SLC38A1: variants seen among roughly 807,000 people sequenced by gnomAD.
The protein encoded by SLC38A1 is sodium-coupled neutral amino acid symporter 1.
Under a neutral mutation model 60.3 loss-of-function variants are expected in SLC38A1, and 18 were observed. The ratio of observed to expected loss-of-function variants is 0.30; its 90% CI spans 0.21 to 0.44. SLC38A1 has a LOEUF of 0.44. Among genes scored for constraint, SLC38A1 ranks in the 20% least tolerant of loss-of-function variants. The pLI is 1.00. For synonymous variants in SLC38A1, 196 were observed against 212.1 expected, an observed-to-expected ratio of 0.92 and a Z score of 0.66; for missense variants, 448 against 587.2, an observed-to-expected ratio of 0.76 and a Z score of 2.45.
intron 14 of SLC38A1, 66 bp downstream of exon 14, chr12:46,198,559 C>T (rs1356003698): frequency 1.9e-5 from 21 of 1,088,912 alleles, no homozygotes; most frequent in Non-Finnish European, 2.7e-5. Flanking sequence ...CTGCAACGGG[C>T]TCCTGCAGGC....
chr12:46,242,126 A>T (rs971945887), intron 2 of SLC38A1, among the ~76,000 whole-genome samples: 1 of 152,194 alleles, frequency 6.6e-6, no homozygotes, highest in African/African-American at 2.4e-5. Context: ...AAAGAATGAA[A>T]ACAACAGATG....
At chr12:46,204,084 G>A (rs79907453) in intron 11 of SLC38A1, among the ~76,000 whole-genome samples, 321 of 152,136 alleles carry the variant, frequency 2.1e-3, no homozygotes, top group African/African-American at 7.4e-3. Flanking sequence ...ATCCAGAATG[G>A]GATTTTCACA....
chr12:46,240,873 T>C (rs1336628027), intron 2 of SLC38A1, among the ~76,000 whole-genome samples: 1 of 152,188 alleles, frequency 6.6e-6, no homozygotes, highest in Non-Finnish European at 1.5e-5. Flanking sequence ...TTTTCTCCCA[T>C]ATGGATGACT....
At chr12:46,207,418 G>A in intron 7 of SLC38A1, 111 bp downstream of exon 7, 3 of 1,146,402 alleles carry the variant, frequency 2.6e-6, no homozygotes, top group Non-Finnish European at 3.9e-6. Context: ...CTTTCCCTGT[G>A]CCATTTTAGC....
At chr12:46,191,669 CT>C (rs1367479683) in intron 16 of SLC38A1, among the ~76,000 whole-genome samples, 1 of 152,102 alleles carries the variant, frequency 6.6e-6, no homozygotes, top group Non-Finnish European at 1.5e-5. Flanking sequence ...AGTCGGCTTC[CT>C]AGGTATTTTA....
intron 5 of SLC38A1, among the ~76,000 whole-genome samples, chr12:46,222,155 C>G (rs570323320): frequency 6.6e-6 from 1 of 152,282 alleles, no homozygotes; most frequent in East Asian, 1.9e-4. Flanking sequence ...TATATTTTCT[C>G]TCTCAAGTTT....
chr12:46,229,466 G>T, intron 4 of SLC38A1, 98 bp downstream of exon 4: 1 of 953,812 alleles, frequency 1.0e-6, no homozygotes, highest in Non-Finnish European at 1.7e-6. Context: ...GTGAATACAG[G>T]TAGTTATGCT....
intron 16 of SLC38A1, chr12:46,196,288 G>A: frequency 6.5e-7 from 1 of 1,535,618 alleles, no homozygotes; most frequent in Non-Finnish European, 8.7e-7. Context: ...TAAGGAAGGA[G>A]AGGAGCAAAT....
intron 1 of SLC38A1, among the ~76,000 whole-genome samples, chr12:46,258,377 T>A (rs747072674): frequency 2.0e-5 from 3 of 152,128 alleles, no homozygotes; most frequent in Non-Finnish European, 4.4e-5. Context: ...ATTTTTTGGA[T>A]TTTGGAATAT....
At chr12:46,232,673 T>C (rs1471345639) in intron 3 of SLC38A1, among the ~76,000 whole-genome samples, 1 of 152,218 alleles carries the variant, frequency 6.6e-6, no homozygotes, top group Non-Finnish European at 1.5e-5. Context: ...GACTGTACAG[T>C]GTCCCTTGGT....
chr12:46,256,735 A>G (rs1942043866), intron 1 of SLC38A1, among the ~76,000 whole-genome samples: 1 of 151,870 alleles, frequency 6.6e-6, no homozygotes, highest in South Asian at 2.1e-4. Flanking sequence ...TCTCCCTGAG[A>G]CCTGGCTGGC....
At chr12:46,193,072 G>A (rs1384330491) in intron 16 of SLC38A1, among the ~76,000 whole-genome samples, 1 of 152,170 alleles carries the variant, frequency 6.6e-6, no homozygotes, top group East Asian at 1.9e-4. Flanking sequence ...GGCATTTAGT[G>A]CTATAAATTT....
At chr12:46,240,407 G>A (rs1311605586) in intron 2 of SLC38A1, among the ~76,000 whole-genome samples, 2 of 152,180 alleles carry the variant, frequency 1.3e-5, no homozygotes, top group African/African-American at 2.4e-5. Context: ...TGTTGGTCAG[G>A]CTGGTCTCAA....
rs1217028221 is a variant in SLC38A1 at position 46,203,058 on chromosome 12, G to C, written c.854C>G (p.Ala285Gly). 1.9e-6 allele frequency: 3 copies of C among 1,614,004 alleles called. No individual in the cohort carries two copies. The highest frequency in any genetic ancestry group is 1.7e-5 in the Admixed American group (1 of 60,004). Reference protein sequence around the residue: ...TVYALPTIAFAFVCHPSVLPI... With the variant: ...TVYALPTIAFGFVCHPSVLPI... ...CAGGACTGACGGGTGGCAAACAAAT[G>C]CAAATGCAATGGTGGGTAAAGCATA... The change falls in exon 12 of 17, where the codon GCA becomes GGA. Residue 285 changes from alanine to glycine, a missense_variant. Around this residue, in one of 2 missense-constraint regions of SLC38A1, gnomAD observed 346 missense variants for 497.5 expected, o/e 0.70. Transcript: ENST00000398637.
At chr12:46,248,929 G>A (rs1592144283) in intron 1 of SLC38A1, among the ~76,000 whole-genome samples, 1 of 152,106 alleles carries the variant, frequency 6.6e-6, no homozygotes, top group Non-Finnish European at 1.5e-5. Flanking sequence ...GGCCGAGGCG[G>A]GCAGATCACG....
chr12:46,246,063 T>A (rs893386651), intron 1 of SLC38A1, among the ~76,000 whole-genome samples: 1 of 152,160 alleles, frequency 6.6e-6, no homozygotes, highest in Non-Finnish European at 1.5e-5. Context: ...TAGGAACAGC[T>A]CCCTTCTGCA....
chr12:46,222,426 T>C (rs778930185), intron 5 of SLC38A1, among the ~76,000 whole-genome samples: 24 of 152,166 alleles, frequency 1.6e-4, no homozygotes, highest in Non-Finnish European at 3.1e-4. Flanking sequence ...CCTCCTTCCA[T>C]GCTCACTTCC....
chr12:46,240,941 T>G (rs1941424170), intron 2 of SLC38A1, among the ~76,000 whole-genome samples: 1 of 152,164 alleles, frequency 6.6e-6, no homozygotes, highest in African/African-American at 2.4e-5. Context: ...AAAAGAATTT[T>G]GGGGGCACAG....
intron 1 of SLC38A1, among the ~76,000 whole-genome samples, chr12:46,246,056 G>A (rs557669230): frequency 2.4e-4 from 37 of 152,246 alleles, no homozygotes; most frequent in African/African-American, 7.9e-4. Flanking sequence ...GGCCAAATAG[G>A]AACAGCTCCC....
Sources: allele counts gnomAD v4.1 joint callset (sites outside exome capture counted in the v4.1 genomes callset), GRCh38; gene constraint gnomAD v4.1.1; regional missense constraint gnomAD v4.1.1; transcripts MANE v1.5; gene names NCBI Gene and HGNC (gene_info 2026-07-23, HGNC 2026-07-21).